HPSE2: variants seen among roughly 807,000 people sequenced by gnomAD.
HPSE2 encodes the protein inactive heparanase-2.
A neutral mutation model predicts 60.5 loss-of-function variants in HPSE2; 38 were observed. That is an observed-to-expected ratio of 0.63 (90% CI 0.48 to 0.82). The LOEUF is 0.82. HPSE2 is among the 40% of genes least tolerant of loss of function. The pLI is 0.00. For missense variants in HPSE2, 713 were observed against 740.4 expected, an observed-to-expected ratio of 0.96 and a Z score of 0.43; for synonymous variants, 295 against 293.2, an observed-to-expected ratio of 1.01 and a Z score of -0.06.
At chr10:99,119,089 G>GAA (rs1844837449) in intron 3 of HPSE2, among the ~76,000 whole-genome samples, 1 of 98,306 alleles carries the variant, frequency 1.0e-5, no homozygotes, top group African/African-American at 3.0e-5. Flanking sequence ...GAGAAAGAAA[G>GAA]AGAGAGAGAG....
At chr10:99,054,503 CAAGTT>C (rs1958064648) in intron 3 of HPSE2, among the ~76,000 whole-genome samples, 1 of 152,116 alleles carries the variant, frequency 6.6e-6, no homozygotes, top group African/African-American at 2.4e-5. Context: ...ACACAGTTTG[CAAGTT>C]AAGTCCTATT....
At chr10:99,234,971 CA>C (rs1849790266) in intron 1 of HPSE2, among the ~76,000 whole-genome samples, 1 of 152,112 alleles carries the variant, frequency 6.6e-6, no homozygotes, top group Non-Finnish European at 1.5e-5. Context: ...ACTTGCCCAC[CA>C]CTCAAGCCTC....
chr10:98,766,754 A>G (rs1449026853), intron 3 of HPSE2, among the ~76,000 whole-genome samples: 1 of 151,894 alleles, frequency 6.6e-6, no homozygotes, highest in African/African-American at 2.4e-5. Context: ...GCGAAACCCA[A>G]TCTCTACTAA....
intron 6 of HPSE2, 21 bp downstream of exon 6, chr10:98,693,879 G>A (rs201387332): frequency 5.7e-6 from 9 of 1,591,158 alleles, no homozygotes; most frequent in Non-Finnish European, 6.9e-6. Context: ...ATAAGTAAGA[G>A]CAAAAATGGT....
At chr10:99,181,547 A>G (rs1847778777) in intron 2 of HPSE2, among the ~76,000 whole-genome samples, 1 of 152,230 alleles carries the variant, frequency 6.6e-6, no homozygotes, top group Non-Finnish European at 1.5e-5. Context: ...AATACTATGC[A>G]GCCATAAAAA....
intron 9 of HPSE2, among the ~76,000 whole-genome samples, chr10:98,516,432 A>G (rs1277233895): frequency 6.6e-6 from 1 of 152,214 alleles, no homozygotes; most frequent in Non-Finnish European, 1.5e-5. Context: ...TCTATAAATA[A>G]AAAACGTTGC....
At chr10:98,938,026 G>A (rs1384144194) in intron 3 of HPSE2, among the ~76,000 whole-genome samples, 1 of 143,350 alleles carries the variant, frequency 7.0e-6, no homozygotes, top group Non-Finnish European at 1.5e-5. Flanking sequence ...GCAGCTGAGG[G>A]TCCTGTCTGT....
At chr10:99,016,513 C>T (rs1317099461) in intron 3 of HPSE2, among the ~76,000 whole-genome samples, 5 of 151,832 alleles carry the variant, frequency 3.3e-5, no homozygotes, top group African/African-American at 4.8e-5. Flanking sequence ...TATTCAGGCT[C>T]TTTTTTGGTT....
chr10:99,086,958 T>C (rs1232418961), intron 3 of HPSE2, among the ~76,000 whole-genome samples: 1 of 152,210 alleles, frequency 6.6e-6, no homozygotes, highest in African/African-American at 2.4e-5. Context: ...GACAACTTCA[T>C]TGTGGAAAAT....
At chr10:99,260,785 C>T in the HPSE2 span, among the ~76,000 whole-genome samples, 1 of 152,164 alleles carries the variant, frequency 6.6e-6, no homozygotes, top group African/African-American at 2.4e-5. Flanking sequence ...TGCTCACCAT[C>T]CCCTTCTCCG....
chr10:99,033,670 C>T (rs368863974), intron 3 of HPSE2, among the ~76,000 whole-genome samples: 25 of 152,044 alleles, frequency 1.6e-4, no homozygotes, highest in African/African-American at 5.8e-4. Flanking sequence ...ATAGTCCCAG[C>T]TATTCAGGAG....
At chr10:98,762,352 G>A (rs936251893) in intron 3 of HPSE2, among the ~76,000 whole-genome samples, 41 of 152,148 alleles carry the variant, frequency 2.7e-4, no homozygotes, top group African/African-American at 8.9e-4. Flanking sequence ...AACAAAAGAA[G>A]TGAGGAAAAG....
the HPSE2 span, among the ~76,000 whole-genome samples, chr10:99,281,688 A>G: frequency 1.3e-5 from 2 of 152,068 alleles, no homozygotes; most frequent in Non-Finnish European, 2.9e-5. Flanking sequence ...TAATCCTGTG[A>G]CTCTACTGGA....
chr10:98,969,529 TTC>T (rs1955897691), intron 3 of HPSE2, among the ~76,000 whole-genome samples: 1 of 152,188 alleles, frequency 6.6e-6, no homozygotes, highest in African/African-American at 2.4e-5. Context: ...CTCTCTCTTC[TTC>T]ATGTTTCTTT....
intron 4 of HPSE2, among the ~76,000 whole-genome samples, chr10:98,740,703 T>C (rs555726691): frequency 3.9e-5 from 6 of 152,320 alleles, no homozygotes; most frequent in African/African-American, 1.4e-4. Flanking sequence ...GATAAAATAC[T>C]TGTTAACATG....
the HPSE2 span, among the ~76,000 whole-genome samples, chr10:99,295,660 A>G: frequency 6.6e-6 from 1 of 152,238 alleles, no homozygotes; most frequent in African/African-American, 2.4e-5. Context: ...TCTCAACGAT[A>G]CACTTTGTTT....
intron 3 of HPSE2, among the ~76,000 whole-genome samples, chr10:98,842,200 T>C (rs1383253514): frequency 6.6e-6 from 1 of 152,194 alleles, no homozygotes; most frequent in African/African-American, 2.4e-5. Flanking sequence ...TTCTTGAGTA[T>C]CTGTTATGAG....
At chr10:98,512,320 G>A (rs928133593) in intron 9 of HPSE2, among the ~76,000 whole-genome samples, 7 of 152,278 alleles carry the variant, frequency 4.6e-5, no homozygotes, top group Admixed American at 2.0e-4. Flanking sequence ...AGTGGCTCAC[G>A]CCTGTAATCC....
chr10:98,652,877 A>C (rs1408096962), intron 6 of HPSE2, among the ~76,000 whole-genome samples: 1 of 152,198 alleles, frequency 6.6e-6, no homozygotes, highest in Non-Finnish European at 1.5e-5. Flanking sequence ...AGCAATCTGG[A>C]CAAGGAGCTA....
Sources: allele counts gnomAD v4.1 joint callset (sites outside exome capture counted in the v4.1 genomes callset), GRCh38; gene constraint gnomAD v4.1.1; transcripts MANE v1.5; gene names NCBI Gene and HGNC (gene_info 2026-07-23, HGNC 2026-07-21).